The following ADGRD1 variants were observed in gnomAD, a reference collection of about 807,000 sequenced individuals.
ADGRD1 encodes the protein G-protein coupled receptor 133.
A neutral mutation model predicts 113.4 loss-of-function variants in ADGRD1; 77 were observed. The ratio of observed to expected loss-of-function variants is 0.68; its 90% CI spans 0.57 to 0.82. The LOEUF (loss-of-function observed/expected upper bound fraction) is 0.82, where lower values mean the gene tolerates loss of function less well. Among genes scored for constraint, ADGRD1 ranks in the 40% least tolerant of loss-of-function variants. The pLI is 0.00. For missense variants in ADGRD1, 1,036 were observed against 1,139.1 expected (o/e 0.91, Z 1.30); for synonymous variants, 474 against 475.0 (o/e 1.00, Z 0.03).
chr12:131,041,698 C>T lies in ADGRD1; in HGVS notation c.1473+27358C>T, dbSNP rs1281099863. Among the ~76,000 whole-genome samples the T allele has an allele frequency of 1.3e-5, 2 of 152,180 alleles. No individual in the cohort carries two copies. Among genetic ancestry groups the T allele is most frequent in the African/African-American group, 2.4e-5 (1 of 41,442 alleles). ...CAGGTGCCAGAGTGGACATGTCATG[C>T]ATGAATCAGGGAGCAGTTCCCGGGG... On this transcript the variant is annotated intron_variant, in intron 13 of 24. Transcript: ENST00000261654. This position sits in a 1 kb window ranked among gnomAD's most constrained non-coding sequence, Gnocchi z 4.4.
chr12:130,970,084 C>T (rs184991464), intron 3 of ADGRD1: 1 of 152,300 alleles, frequency 6.6e-6, no homozygotes, highest in East Asian at 1.9e-4. Flanking sequence ...GTTTGTGAAA[C>T]ATATACCCAC....
In ADGRD1 at chr12:130,980,262, G is replaced by A. The variant is rs1173003755; in HGVS notation, c.311-1622G>A. ...TGGGACGACAGGCACCTGCCACCAC[G>A]CCTGGCTAATTTTTTGTATTTTTAG... On this transcript the variant is annotated intron_variant, in intron 4 of 24. Coordinates refer to ENST00000261654, the MANE Select transcript of ADGRD1 (RefSeq NM_198827.5). Among the ~76,000 whole-genome samples, 4 of 145,648 alleles carry A rather than the reference G, an allele frequency of 2.7e-5. No individual in the cohort carries two copies. The East Asian group carries it at 8.2e-4, about 30-fold the overall frequency.
intron 13 of ADGRD1, among the ~76,000 whole-genome samples, chr12:131,049,807 C>T (rs143379422): frequency 3.0e-4 from 45 of 152,284 alleles, no homozygotes; most frequent in Non-Finnish European, 1.9e-4. Flanking sequence ...TGGGCCCAGC[C>T]GTCCAGCAGG....
intron 13 of ADGRD1, among the ~76,000 whole-genome samples, chr12:131,071,857 C>T (rs1027466985): frequency 1.9e-4 from 29 of 151,390 alleles, no homozygotes; most frequent in Non-Finnish European, 1.5e-4. Context: ...CTGTGGGCTC[C>T]GTCTCTGCAG....
chr12:131,062,093 T>G (rs557769557), intron 13 of ADGRD1, among the ~76,000 whole-genome samples: 2 of 152,240 alleles, frequency 1.3e-5, no homozygotes, highest in Admixed American at 6.5e-5. Flanking sequence ...GTGGTGCAAT[T>G]TCAGCTCACT....
In ADGRD1 at chr12:131,096,513, C is replaced by T. The variant is rs529011521; in HGVS notation, c.1672-8318C>T. Among the ~76,000 whole-genome samples, 7 of 152,332 alleles carry T rather than the reference C, an allele frequency of 4.6e-5. No homozygotes were observed. The highest frequency in any genetic ancestry group is 2.1e-4 in the South Asian group (1 of 4,828). ...CGTGTTAACCACTGCATAGCTCTCCCGCGGGTGGACACTGAAGTCATGGTG... is the reference window on the plus strand; with the variant it reads ...CGTGTTAACCACTGCATAGCTCTCCTGCGGGTGGACACTGAAGTCATGGTG... On this transcript the variant is annotated intron_variant, in intron 15 of 24. Transcript: ENST00000261654. The surrounding 1 kb of genome is among the most constrained non-coding windows in gnomAD (Gnocchi z 5.2).
At chr12:131,089,153 G>C (rs1329596123) in intron 15 of ADGRD1, among the ~76,000 whole-genome samples, 1 of 152,218 alleles carries the variant, frequency 6.6e-6, no homozygotes, top group Non-Finnish European at 1.5e-5. Flanking sequence ...ATGTGTGCTC[G>C]TTGGCATGTG....
chr12:131,069,554 T>G (rs997867635), intron 13 of ADGRD1: 2 of 152,296 alleles, frequency 1.3e-5, no homozygotes, highest in African/African-American at 2.4e-5. Context: ...TTGCCATCAT[T>G]AGGAACCATC....
chr12:130,973,714 G>A (rs919701481), intron 4 of ADGRD1, among the ~76,000 whole-genome samples: 12 of 152,266 alleles, frequency 7.9e-5, no homozygotes, highest in Non-Finnish European at 1.3e-4. Flanking sequence ...TTCATGTCCC[G>A]CTGTTGACAA....
In ADGRD1 at chr12:131,057,336, G is replaced by GGAAC. The variant is rs1883960476; in HGVS notation, c.1474-19463_1474-19460dup. On this transcript the variant is annotated intron_variant, in intron 13 of 24. Transcript: ENST00000261654. The surrounding 1 kb of genome is among the most constrained non-coding windows in gnomAD (Gnocchi z 4.2). ...CGCGGACCAGAGAATGCTTGGAAGG[G>GGAAC]GAACGGTGGAGAAAAGGGGCCAGAT... 6.6e-6 allele frequency among the ~76,000 whole-genome samples: 1 copy of GGAAC among 152,182 alleles called. No homozygotes were observed.
At chr12:130,982,385 G>A (rs147025122) in intron 5 of ADGRD1, among the ~76,000 whole-genome samples, 1,578 of 152,300 alleles carry the variant, frequency 0.01, 11 homozygotes, top group South Asian at 0.045. Flanking sequence ...CTTACCTCAC[G>A]GTTTCCAGGA....
At chr12:131,121,153 C>A (rs555994117) in intron 20 of ADGRD1, among the ~76,000 whole-genome samples, 43 of 152,268 alleles carry the variant, frequency 2.8e-4, no homozygotes, top group African/African-American at 1.0e-3. Context: ...CTCTTCCAGT[C>A]GAGGCGGCAG....
At chr12:130,997,015 C>T (rs1191181543) in intron 8 of ADGRD1, among the ~76,000 whole-genome samples, 1 of 136,174 alleles carries the variant, frequency 7.3e-6, no homozygotes, top group Non-Finnish European at 1.6e-5. Context: ...GGGGGCTGAC[C>T]CCCCCACCTC....
intron 13 of ADGRD1, among the ~76,000 whole-genome samples, chr12:131,065,839 C>CT (rs1884681137): frequency 6.6e-6 from 1 of 152,244 alleles, no homozygotes; most frequent in Non-Finnish European, 1.5e-5. Flanking sequence ...TTACCACAGA[C>CT]TCTGAATTTC....
intron 2 of ADGRD1, chr12:130,956,421 TCTC>T (rs1289738349): frequency 2.0e-5 from 3 of 152,162 alleles, no homozygotes; most frequent in Admixed American, 1.3e-4. Flanking sequence ...CACATTCCCC[TCTC>T]CTCAGCCAAA....
chr12:131,136,838 G>A (rs536424798), intron 22 of ADGRD1, 135 bp from the exon 23 acceptor site: 20 of 768,788 alleles, frequency 2.6e-5, no homozygotes, highest in South Asian at 1.0e-4. Context: ...CCGTCCTCAC[G>A]GGCCCCAGGT....
rs779854618 is a variant in ADGRD1 at position 131,138,195 on chromosome 12, G to A, written c.2495G>A (p.Arg832His). Residue 832 changes from arginine (R) to histidine (H), a missense_variant, in exon 24 of 25, where the codon CGC becomes CAC. By Grantham distance (29) the Arg-to-His change is conservative (BLOSUM62 0). Transcript: ENST00000261654. ...TGGTCGCTCACGAGCAGCTCTGCCC[G>A]CACCTCCAACGCGAAGCCCTTCCAC... ...KVWSLTSSSARTSNAKPFHSD... is the reference protein window; with the variant it reads ...KVWSLTSSSAHTSNAKPFHSD... The A allele has an allele frequency of 2.8e-5, 45 of 1,613,386 alleles. 1 individual carries two copies. The Admixed American group carries it at 2.8e-4, about 10-fold the overall frequency.
chr12:131,045,601 C>T (rs141158771), intron 13 of ADGRD1, among the ~76,000 whole-genome samples: 58 of 152,222 alleles, frequency 3.8e-4, no homozygotes, highest in Non-Finnish European at 4.6e-4. Flanking sequence ...CCATGCCCAC[C>T]GGGTTCCTTC....
chr12:131,034,713 G>T (rs1881180852), intron 13 of ADGRD1, among the ~76,000 whole-genome samples: 1 of 152,168 alleles, frequency 6.6e-6, no homozygotes, highest in Non-Finnish European at 1.5e-5. Context: ...CACGGTGGTG[G>T]CCCCTCGCTG....
Sources: gnomAD v4.1 joint callset for allele counts (sites outside exome capture counted in the v4.1 genomes callset) on GRCh38, gnomAD v4.1.1 for gene constraint, Gnocchi (gnomAD v3.1) non-coding constraint, MANE v1.5 for transcripts, NCBI Gene and HGNC (gene_info 2026-07-23, HGNC 2026-07-21) for gene names.